C14orf132: variants seen among roughly 807,000 people sequenced by gnomAD.
C14orf132 encodes the protein uncharacterized protein C14orf132.
C14orf132 carries 6 observed loss-of-function variants against 5.8 expected under a neutral mutation model. The ratio of observed to expected loss-of-function variants is 1.03; its 90% CI spans 0.57 to 2.04. The LOEUF (loss-of-function observed/expected upper bound fraction) is 2.04. Among genes scored for constraint, C14orf132 ranks in the 30% most tolerant of loss-of-function variants. The pLI is 0.00. For synonymous variants in C14orf132, 51 were observed against 49.8 expected, an observed-to-expected ratio of 1.02 and a Z score of -0.10; for missense variants, 125 against 115.8, an observed-to-expected ratio of 1.08 and a Z score of -0.37.
At chr14:96,083,502 G>T (rs1210538326) in intron 1 of C14orf132, among the ~76,000 whole-genome samples, 15 of 152,174 alleles carry the variant, frequency 9.9e-5, no homozygotes, top group African/African-American at 3.4e-4. Context: ...GATTAGCCAG[G>T]GGAGCTCAAT....
intron 1 of C14orf132, among the ~76,000 whole-genome samples, chr14:96,059,453 CA>C (rs796210997): frequency 2.4e-4 from 36 of 152,276 alleles, no homozygotes; most frequent in African/African-American, 8.7e-4. Context: ...TCATCATTCC[CA>C]TTCTACAGAT....
chr14:96,084,335 G>A (rs1638753923), intron 1 of C14orf132, among the ~76,000 whole-genome samples: 2 of 137,266 alleles, frequency 1.5e-5, no homozygotes, highest in South Asian at 4.6e-4. Context: ...ATGCCCAAGA[G>A]GAAAAAAGCA....
Position 96,092,212 on chromosome 14 carries a change from G to A in C14orf132, c.*5477G>A, listed in dbSNP as rs1062709. 51,267 of 152,166 alleles carry A rather than the reference G, an allele frequency of 0.34. 9,111 individuals are homozygous for A. The highest frequency in any genetic ancestry group is 0.44 in the African/African-American group (18,287 of 41,476). 9.4% of individuals were successfully genotyped at this position (152,166 alleles called of 1,614,324 possible). A position where few individuals can be genotyped will look rare whatever the true frequency, so the allele number is the denominator to read the frequency against. ...GGACATTGGTCCTCGGAGAGGCTGCGTAGGTGGTGCGGTCCCCGGGGGATT... is the reference window on the plus strand; with the variant it reads ...GGACATTGGTCCTCGGAGAGGCTGCATAGGTGGTGCGGTCCCCGGGGGATT... On this transcript the variant is annotated 3_prime_UTR_variant, in exon 2 of 2. Transcript: ENST00000555004.
chr14:96,080,419 A>T (rs11625319), intron 1 of C14orf132, among the ~76,000 whole-genome samples: 72,999 of 152,106 alleles, frequency 0.48, 18,146 homozygotes, highest in East Asian at 0.62. Flanking sequence ...CAGCCAAGAC[A>T]GGCACTGAGA....
chr14:96,055,215 C>A (rs1279931657), intron 1 of C14orf132, among the ~76,000 whole-genome samples: 1 of 152,158 alleles, frequency 6.6e-6, no homozygotes, highest in Non-Finnish European at 1.5e-5. Context: ...GTGGAGCAGC[C>A]CGGGTGGGTT....
rs553142874 is a variant in C14orf132 at position 96,093,266 on chromosome 14, G to A, written c.*6531G>A. The stretch of plus-strand genomic sequence containing the variant: ...AGGGAGAAAGCCCTACAAAGTGGAT[G>A]GGAGTGTGGGGCTGAACTTTTCCCT... On this transcript the variant is annotated 3_prime_UTR_variant, in exon 2 of 2. Transcript: ENST00000555004. The A allele has an allele frequency of 6.6e-6, 1 of 152,308 alleles. No homozygotes were observed. Among genetic ancestry groups the A allele is most frequent in the East Asian group, 1.9e-4 (1 of 5,182 alleles). 9.4% of individuals were successfully genotyped at this position (152,308 alleles called of 1,614,324 possible). A position where few individuals can be genotyped will look rare whatever the true frequency, so the allele number is the denominator to read the frequency against.
chr14:96,084,615 G>C (rs1888123718), intron 1 of C14orf132, among the ~76,000 whole-genome samples: 1 of 152,148 alleles, frequency 6.6e-6, no homozygotes, highest in Admixed American at 6.5e-5. Context: ...ATATTTAATT[G>C]AAATATAGTA....
intron 1 of C14orf132, among the ~76,000 whole-genome samples, chr14:96,067,142 A>G (rs1434627443): frequency 6.6e-6 from 1 of 152,192 alleles, no homozygotes; most frequent in African/African-American, 2.4e-5. Flanking sequence ...GGTGCCCAGA[A>G]GGGGCTCAGG....
intron 1 of C14orf132, among the ~76,000 whole-genome samples, chr14:96,057,926 G>A (rs966912931): frequency 6.6e-6 from 1 of 152,142 alleles, no homozygotes; most frequent in African/African-American, 2.4e-5. Context: ...AGGTGCCATT[G>A]GTCCCTTGAG....
chr14:96,065,291 G>A lies in C14orf132; in HGVS notation c.28-21220G>A, dbSNP rs562249147. Among the ~76,000 whole-genome samples, 98 of 152,226 alleles carry A rather than the reference G, an allele frequency of 6.4e-4. 1 individual carries two copies. Among genetic ancestry groups the A allele is most frequent in the African/African-American group, 2.2e-3 (91 of 41,506 alleles). On this transcript the variant is annotated intron_variant, in intron 1 of 1. Transcript: ENST00000555004. ...GGAGGAGACTATAGCATTTTAGAAC[G>A]TCCTCCTGGAGATTCCGATGTGCAT...
intron 1 of C14orf132, among the ~76,000 whole-genome samples, chr14:96,083,850 G>A (rs531786718): frequency 6.6e-5 from 10 of 152,318 alleles, no homozygotes; most frequent in African/African-American, 1.9e-4. Context: ...AATACCTGCC[G>A]GGAGGCAGAG....
In C14orf132 at chr14:96,092,340, A is replaced by G. The variant is rs1183306904; in HGVS notation, c.*5605A>G. 1.3e-5 allele frequency: 2 copies of G among 152,174 alleles called. No individual in the cohort carries two copies. Among genetic ancestry groups the G allele is most frequent in the African/African-American group, 2.4e-5 (1 of 41,440 alleles). The allele number at this position is 152,174 out of a possible 1,614,324, so 9.4% of individuals were successfully genotyped here. On this transcript the variant is annotated 3_prime_UTR_variant, in exon 2 of 2. Transcript: ENST00000555004. ...TCATCTGCTCTTGGGTCCTTTTTCA[A>G]GCTGATTTCCTGCCTCCCCAAGAGG...
chr14:96,080,111 A>G (rs964241007), intron 1 of C14orf132, among the ~76,000 whole-genome samples: 3 of 152,226 alleles, frequency 2.0e-5, no homozygotes, highest in African/African-American at 7.2e-5. Context: ...AATATTTGCC[A>G]CACAGACTCT....
chr14:96,076,155 A>G (rs948385417), intron 1 of C14orf132, among the ~76,000 whole-genome samples: 5 of 152,042 alleles, frequency 3.3e-5, no homozygotes, highest in African/African-American at 4.8e-5. Context: ...TGTGTTTTTT[A>G]AGGTATTGAT....
intron 1 of C14orf132, among the ~76,000 whole-genome samples, chr14:96,080,360 G>A (rs2139678984): frequency 6.6e-6 from 1 of 152,308 alleles, no homozygotes; most frequent in Non-Finnish European, 1.5e-5. Context: ...TCATAGCCCA[G>A]GAGCATCAGA....
At chr14:96,075,389 A>G (rs6575568) in intron 1 of C14orf132, among the ~76,000 whole-genome samples, 83,471 of 152,116 alleles carry the variant, frequency 0.55, 23,481 homozygotes, top group East Asian at 0.9. Context: ...AGGCATCTCT[A>G]TATATATATG....
At chr14:96,074,077 G>T (rs1326683366) in intron 1 of C14orf132, among the ~76,000 whole-genome samples, 1 of 152,134 alleles carries the variant, frequency 6.6e-6, no homozygotes, top group Non-Finnish European at 1.5e-5. Flanking sequence ...ATGGAGGCCG[G>T]GCTTAATACC....
intron 1 of C14orf132, among the ~76,000 whole-genome samples, chr14:96,085,666 G>A (rs1888159165): frequency 6.6e-6 from 1 of 152,228 alleles, no homozygotes; most frequent in African/African-American, 2.4e-5. Context: ...GGTATACAGT[G>A]TTCATACTCA....
intron 1 of C14orf132, among the ~76,000 whole-genome samples, chr14:96,046,865 C>T (rs1428881195): frequency 5.3e-5 from 8 of 152,210 alleles, no homozygotes. Context: ...GACATCTCTT[C>T]CTATTGGAGA....
Sources: gnomAD v4.1 joint callset for allele counts (sites outside exome capture counted in the v4.1 genomes callset) on GRCh38, gnomAD v4.1.1 for gene constraint, MANE v1.5 for transcripts, NCBI Gene and HGNC (gene_info 2026-07-23, HGNC 2026-07-21) for gene names.